CAMK4: variants seen among roughly 807,000 people sequenced by gnomAD.
CAMK4 encodes calcium/calmodulin-dependent protein kinase type IV.
A neutral mutation model predicts 44.9 loss-of-function variants in CAMK4; 22 were observed. That is an observed-to-expected ratio of 0.49 (90% CI 0.35 to 0.70). The LOEUF is 0.70. Ranked by LOEUF, CAMK4 falls within the 30% of genes least tolerant of loss-of-function variation. The probability of loss-of-function intolerance (pLI) is 0.01; values close to 1 mark genes in which losing one functional copy is unlikely to be tolerated. For missense variants in CAMK4, 498 were observed against 586.8 expected, an observed-to-expected ratio of 0.85 and a Z score of 1.56; for synonymous variants, 218 against 215.4, an observed-to-expected ratio of 1.01 and a Z score of -0.11.
rs1181616565 is a variant in CAMK4, at chr5:111,485,464, C to A, written c.*998C>A. On this transcript the variant is annotated 3_prime_UTR_variant, in exon 11 of 11. Transcript: ENST00000282356. ...GTCTTCATAGAGTAGGAATAATATT[C>A]CATTTTAAGATTATTCATTATTGAC... 1 of 152,054 alleles carries A rather than the reference C, an allele frequency of 6.6e-6. No homozygotes were observed. Among genetic ancestry groups the A allele is most frequent in the Non-Finnish European group, 1.5e-5 (1 of 67,980 alleles). 9.4% of individuals were successfully genotyped at this position (152,054 alleles called of 1,614,324 possible).
intron 5 of CAMK4, among the ~76,000 whole-genome samples, chr5:111,440,673 T>C (rs1203611835): frequency 7.7e-6 from 1 of 130,206 alleles, no homozygotes; most frequent in Non-Finnish European, 1.9e-5. Context: ...AAAAGCCAGG[T>C]AGAGGAAGGA....
Position 111,449,219 on chromosome 5 carries a change from AT to A in CAMK4, c.625+18del. ...GGGTACTGCGGTATGCTCTTTAATA[AT>A]TATATTTTACTTTTATTGTTATTTG... On this transcript the variant is annotated intron_variant, in intron 7 of 10. Coordinates refer to ENST00000282356, the MANE Select transcript of CAMK4 (RefSeq NM_001744.6). The A allele has an allele frequency of 1.7e-6, 2 of 1,185,756 alleles. No homozygotes were observed. The highest frequency in any genetic ancestry group is 1.5e-5 in the South Asian group (1 of 67,220). 73.5% of individuals were successfully genotyped at this position (1,185,756 alleles called of 1,614,324 possible). A position where few individuals can be genotyped will look rare whatever the true frequency, so the allele number is the denominator to read the frequency against.
chr5:111,327,508 C>T (rs1472939691), intron 1 of CAMK4, among the ~76,000 whole-genome samples: 1 of 152,128 alleles, frequency 6.6e-6, no homozygotes, highest in Non-Finnish European at 1.5e-5. Flanking sequence ...ATTTACAGTC[C>T]TTTGGGTATA....
chr5:111,486,897 T>C lies in CAMK4; in HGVS notation c.*2431T>C, dbSNP rs1755651706. On this transcript the variant is annotated 3_prime_UTR_variant, in exon 11 of 11. Coordinates refer to ENST00000282356, the MANE Select transcript of CAMK4 (RefSeq NM_001744.6). Reference sequence around the variant, plus strand: ...GGGAGTTTTAAATTTTGACTCATGTTAAAGATAAGATTCTGATAATGACTA... The same window carrying C: ...GGGAGTTTTAAATTTTGACTCATGTCAAAGATAAGATTCTGATAATGACTA... The C allele has an allele frequency of 6.6e-6, 1 of 152,226 alleles. No homozygotes were observed. The highest frequency in any genetic ancestry group is 6.5e-5 in the Admixed American group (1 of 15,276). 9.4% of individuals were successfully genotyped at this position (152,226 alleles called of 1,614,324 possible). A position where few individuals can be genotyped will look rare whatever the true frequency, so the allele number is the denominator to read the frequency against.
intron 5 of CAMK4, among the ~76,000 whole-genome samples, chr5:111,399,688 A>C (rs890228140): frequency 1.2e-4 from 19 of 152,176 alleles, no homozygotes; most frequent in African/African-American, 4.3e-4. Flanking sequence ...TTTTCTACTA[A>C]TTTCATAGGA....
chr5:111,352,637 CAGAG>C (rs70973603), intron 2 of CAMK4, among the ~76,000 whole-genome samples: 17 of 109,180 alleles, frequency 1.6e-4, no homozygotes, highest in East Asian at 5.7e-4. Flanking sequence ...GGCAGAATAG[CAGAG>C]AGAGAGAGAG....
intron 1 of CAMK4, among the ~76,000 whole-genome samples, chr5:111,228,936 A>G (rs1748331157): frequency 6.6e-6 from 1 of 152,204 alleles, no homozygotes; most frequent in South Asian, 2.1e-4. Context: ...CTGGGCACAC[A>G]GTAATTTGAA....
intron 1 of CAMK4, among the ~76,000 whole-genome samples, chr5:111,334,803 G>A (rs1290349641): frequency 1.7e-5 from 2 of 118,276 alleles, no homozygotes; most frequent in Non-Finnish European, 3.7e-5. Flanking sequence ...ACAATCAAAT[G>A]CAAAAACAAA....
chr5:111,318,089 A>G (rs1748509200), intron 1 of CAMK4, among the ~76,000 whole-genome samples: 2 of 127,810 alleles, frequency 1.6e-5, no homozygotes, highest in Admixed American at 1.6e-4. Context: ...ATTTATGGCA[A>G]GAAGGTAGTT....
intron 7 of CAMK4, among the ~76,000 whole-genome samples, chr5:111,454,683 T>A (rs1417154933): frequency 6.8e-6 from 1 of 147,718 alleles, no homozygotes; most frequent in Non-Finnish European, 1.5e-5. Context: ...GATCAGGCCA[T>A]AGCTCCTAAT....
intron 1 of CAMK4, among the ~76,000 whole-genome samples, chr5:111,233,737 A>G (rs1344842374): frequency 2.0e-5 from 3 of 152,212 alleles, no homozygotes; most frequent in Non-Finnish European, 2.9e-5. Flanking sequence ...TAATCCTTCT[A>G]TATGCTATGC....
intron 1 of CAMK4, among the ~76,000 whole-genome samples, chr5:111,264,031 T>C (rs1471443787): frequency 6.6e-6 from 1 of 152,224 alleles, no homozygotes; most frequent in Non-Finnish European, 1.5e-5. Context: ...AGCTTACTAC[T>C]TTCCTAGGGC....
intron 1 of CAMK4, among the ~76,000 whole-genome samples, chr5:111,337,506 CTT>C (rs34136669): frequency 1.4e-4 from 19 of 131,082 alleles, no homozygotes; most frequent in Non-Finnish European, 1.7e-4. Flanking sequence ...CCTTGCCAGC[CTT>C]TTTTTTTTTT....
chr5:111,381,791 C>G (rs1283607600), intron 4 of CAMK4, among the ~76,000 whole-genome samples: 1 of 151,892 alleles, frequency 6.6e-6, no homozygotes, highest in Admixed American at 6.6e-5. Context: ...CTTGTCTGAC[C>G]CACCATTGCT....
At chr5:111,464,603 G>A (rs981329194) in intron 7 of CAMK4, among the ~76,000 whole-genome samples, 5 of 152,216 alleles carry the variant, frequency 3.3e-5, no homozygotes, top group East Asian at 1.9e-4. Flanking sequence ...AGTGGGCATC[G>A]AAAATGATTT....
chr5:111,243,631 C>T (rs1196498983), intron 1 of CAMK4, among the ~76,000 whole-genome samples: 2 of 152,102 alleles, frequency 1.3e-5, no homozygotes, highest in African/African-American at 2.4e-5. Flanking sequence ...CTCCAATTTC[C>T]CTCTCTGCCA....
At chr5:111,263,663 TCCAAA>T (rs1750098725) in intron 1 of CAMK4, among the ~76,000 whole-genome samples, 1 of 152,174 alleles carries the variant, frequency 6.6e-6, no homozygotes, top group Non-Finnish European at 1.5e-5. Flanking sequence ...TGTAAACCAG[TCCAAA>T]TTGTTCTGAT....
chr5:111,410,797 CAGA>C (rs1467542567), intron 5 of CAMK4, among the ~76,000 whole-genome samples: 3 of 152,118 alleles, frequency 2.0e-5, no homozygotes, highest in African/African-American at 7.2e-5. Flanking sequence ...ATTTCTGGGT[CAGA>C]AGGAGAGCTT....
intron 1 of CAMK4, among the ~76,000 whole-genome samples, chr5:111,237,984 C>T (rs1748807486): frequency 6.6e-6 from 1 of 152,174 alleles, no homozygotes; most frequent in Admixed American, 6.5e-5. Context: ...TATGCACTGT[C>T]AAAGTAATTA....
Sources: gnomAD v4.1 joint callset for allele counts (sites outside exome capture counted in the v4.1 genomes callset) on GRCh38, gnomAD v4.1.1 for gene constraint, MANE v1.5 for transcripts, NCBI Gene and HGNC (gene_info 2026-07-23, HGNC 2026-07-21) for gene names.